Variants in ARHGEF10 observed in about 807,000 individuals in gnomAD.
ARHGEF10 encodes the protein Rho guanine nucleotide exchange factor (GEF) 10.
Under a neutral mutation model 147.4 loss-of-function variants are expected in ARHGEF10, and 140 were observed. The observed-to-expected ratio is 0.95, with a 90% CI of 0.83 to 1.09. ARHGEF10 has a LOEUF of 1.09. ARHGEF10 is among the 50% of genes least tolerant of loss of function. ARHGEF10 has a pLI of 0.00. For synonymous variants in ARHGEF10, 902 were observed against 695.8 expected (o/e 1.30, Z -4.67); for missense variants, 2,222 against 1,752.7 (o/e 1.27, Z -4.78).
At chr8:1,917,618 G>C (rs1038444309) in intron 18 of ARHGEF10, among the ~76,000 whole-genome samples, 1 of 152,172 alleles carries the variant, frequency 6.6e-6, no homozygotes, top group South Asian at 2.1e-4. Flanking sequence ...AGAAAGACTC[G>C]GGAAGTGCTT....
chr8:1,883,690 A>G (rs1451146909), intron 10 of ARHGEF10, among the ~76,000 whole-genome samples: 6 of 152,090 alleles, frequency 3.9e-5, no homozygotes, highest in Non-Finnish European at 8.8e-5. Flanking sequence ...GGTGCATTCT[A>G]ATAAAATGTG....
intron 27 of ARHGEF10, among the ~76,000 whole-genome samples, chr8:1,950,376 A>G (rs936374337): frequency 6.6e-6 from 1 of 152,208 alleles, no homozygotes; most frequent in African/African-American, 2.4e-5. Flanking sequence ...CCCATGTAAA[A>G]TTAAAGATGT....
rs768511991 is a variant in ARHGEF10, at chr8:1,876,589, A to T, written c.698A>T (p.Asp233Val). Reference sequence around the variant, plus strand: ...CACTCAGATGAAATGATTTATGATGATGTTGAGAATGGGGATGAAGGTGGA... The same window carrying T: ...CACTCAGATGAAATGATTTATGATGTTGTTGAGAATGGGGATGAAGGTGGA... ...DSEPDEMIYD[D>V]VENGDEGGNS... Residue 233 changes from aspartate to valine, a missense_variant, in exon 8 of 29, where the codon GAT becomes GTT. By Grantham distance (152) the Asp-to-Val change is radical. Transcript: ENST00000349830. 23 of 1,614,078 alleles carry T rather than the reference A, an allele frequency of 1.4e-5. No homozygotes were observed. Among genetic ancestry groups the T allele is most frequent in the Non-Finnish European group, 1.9e-5 (23 of 1,180,016 alleles).
chr8:1,936,845 C>T (rs1390025456), intron 26 of ARHGEF10, among the ~76,000 whole-genome samples: 1 of 152,216 alleles, frequency 6.6e-6, no homozygotes, highest in Non-Finnish European at 1.5e-5. Context: ...TGAGCTGCCA[C>T]GTGGACACCG....
Position 1,956,917 on chromosome 8 carries a change from C to T in ARHGEF10, c.3689C>T (p.Ser1230Leu), listed in dbSNP as rs1346212322. The T allele has an allele frequency of 1.2e-6, 2 of 1,614,198 alleles. No individual in the cohort carries two copies. The highest frequency in any genetic ancestry group is 1.7e-6 in the Non-Finnish European group (2 of 1,180,044). ...GCACTTCCGAGTGGAGGAGCTGGTT[C>T]ATCTCTGAGCCAGGGTGACCCTGAC... ...KDALPSGGAG[S>L]SLSQGDPDAA... The change falls in exon 29 of 29, where the codon TCA becomes TTA. Residue 1230 changes from serine to leucine, a missense_variant. By Grantham distance (145) the Ser-to-Leu change is moderately radical (BLOSUM62 -2). Transcript: ENST00000349830.
chr8:1,951,389 G>T (rs1345617708), intron 27 of ARHGEF10, among the ~76,000 whole-genome samples: 2 of 152,206 alleles, frequency 1.3e-5, no homozygotes, highest in East Asian at 3.9e-4. Flanking sequence ...ACCAAGTCAC[G>T]CCGACCAGGC....
chr8:1,826,884 C>T (rs747268154), intron 1 of ARHGEF10, among the ~76,000 whole-genome samples: 6 of 152,212 alleles, frequency 3.9e-5, no homozygotes, highest in Non-Finnish European at 7.3e-5. Context: ...AGAAGGGAAG[C>T]GTAGCTGTTA....
At chr8:1,841,092 T>A (rs1447939039) in intron 1 of ARHGEF10, among the ~76,000 whole-genome samples, 3 of 152,226 alleles carry the variant, frequency 2.0e-5, no homozygotes, top group Non-Finnish European at 4.4e-5. Context: ...GGTGCTCGCA[T>A]CAGCCACCCG....
rs35354057 is a variant in ARHGEF10, at chr8:1,928,484, A to G, written c.2755A>G (p.Thr919Ala). 2 of 1,613,738 alleles carry G rather than the reference A, an allele frequency of 1.2e-6. No individual in the cohort carries two copies. Among genetic ancestry groups the G allele is most frequent in the Non-Finnish European group, 1.7e-6 (2 of 1,179,974 alleles). The change falls in exon 24 of 29, where the codon ACT becomes GCT. Residue 919 changes from threonine (T) to alanine (A), a missense_variant. Thr to Ala is a moderately conservative substitution (Grantham distance 58). Transcript: ENST00000349830. The part of the protein sequence containing the change: ...QIAIVSFQNS[T>A]PKVIECFNVE... ...TGCCATCGTCTCGTTTCAAAATTCC[A>G]CTCCCAAAGTCATTGAGTGCTTCAA... is the stretch of plus-strand genomic sequence containing the variant.
chr8:1,945,788 G>C, intron 27 of ARHGEF10, 133 bp downstream of exon 27: 20 of 1,348,254 alleles, frequency 1.5e-5, no homozygotes, highest in Middle Eastern at 3.6e-4. Flanking sequence ...AGGTAATGGG[G>C]TGGGACAAGG....
chr8:1,873,060 G>A, intron 7 of ARHGEF10, among the ~76,000 whole-genome samples: 1 of 152,204 alleles, frequency 6.6e-6, no homozygotes, highest in South Asian at 2.1e-4. Flanking sequence ...GAGTCCAGCC[G>A]TCGGCCCCCT....
chr8:1,924,443 G>C (rs1812534528), intron 21 of ARHGEF10, among the ~76,000 whole-genome samples: 1 of 152,156 alleles, frequency 6.6e-6, no homozygotes, highest in African/African-American at 2.4e-5. Flanking sequence ...CATGCTTACA[G>C]ACCTGTTACC....
rs1421302656 is a variant in ARHGEF10 at position 1,958,620 on chromosome 8, A to C, written c.*1357A>C. ...AGCTGCTGTCTGACTTCATCAATAAAGTATTTTTATTTTAAAATGCAGTAG... is the reference window on the plus strand; with the variant it reads ...AGCTGCTGTCTGACTTCATCAATAACGTATTTTTATTTTAAAATGCAGTAG... On this transcript the variant is annotated 3_prime_UTR_variant, in exon 29 of 29. Coordinates refer to ENST00000349830, the MANE Select transcript of ARHGEF10 (RefSeq NM_014629.4). 1 of 145,358 alleles carries C rather than the reference A, an allele frequency of 6.9e-6. No individual in the cohort carries two copies. The highest frequency in any genetic ancestry group is 1.5e-5 in the Non-Finnish European group (1 of 66,864). 9.0% of individuals were successfully genotyped at this position (145,358 alleles called of 1,614,324 possible). A position where few individuals can be genotyped will look rare whatever the true frequency, so the allele number is the denominator to read the frequency against.
chr8:1,893,287 A>G lies in ARHGEF10; in HGVS notation c.1183-282A>G, dbSNP rs564033989. Among the ~76,000 whole-genome samples, 18 of 152,300 alleles carry G rather than the reference A, an allele frequency of 1.2e-4. No individual in the cohort carries two copies. The South Asian group carries it at 1.9e-3, about 16-fold the overall frequency. ...ATAAAATACAATCTGTTAATTCAGT[A>G]TATTATCGTTGCATAAATGAAGGAA... is the stretch of plus-strand genomic sequence containing the variant. On this transcript the variant is annotated intron_variant, in intron 11 of 28. Coordinates refer to ENST00000349830, the MANE Select transcript of ARHGEF10 (RefSeq NM_014629.4).
At chr8:1,841,804 G>A (rs1304197000) in intron 1 of ARHGEF10, among the ~76,000 whole-genome samples, 2 of 113,598 alleles carry the variant, frequency 1.8e-5, no homozygotes, top group Non-Finnish European at 4.2e-5. Context: ...TGAAACCTAG[G>A]AACTGGGGCC....
chr8:1,912,128 G>A (rs1009547119), intron 18 of ARHGEF10, among the ~76,000 whole-genome samples: 1 of 152,226 alleles, frequency 6.6e-6, no homozygotes, highest in African/African-American at 2.4e-5. Context: ...CCTGAGACCA[G>A]TGAGCAGCTG....
intron 18 of ARHGEF10, among the ~76,000 whole-genome samples, chr8:1,914,965 G>A (rs545157815): frequency 3.8e-4 from 58 of 152,292 alleles, no homozygotes; most frequent in Middle Eastern, 6.8e-3. Flanking sequence ...TGAGGTCGGC[G>A]TGCCTGTGGA....
Position 1,866,506 on chromosome 8 carries a change from T to C in ARHGEF10, c.546-20T>C. 1 of 1,612,170 alleles carries C rather than the reference T, an allele frequency of 6.2e-7. No individual in the cohort carries two copies. ...GGGCTGTGCCTGGATATTCTGACTT[T>C]ATGGTTTGTTTTCTTTAAGTGAAGA... On this transcript the variant is annotated intron_variant, in intron 5 of 28. Coordinates refer to ENST00000349830, the MANE Select transcript of ARHGEF10 (RefSeq NM_014629.4).
rs1427441458 is a variant in ARHGEF10, at chr8:1,926,458, C to T, written c.2692C>T (p.Leu898=). ...PDSFSTAHGF[L]WIGSCTHQMG... is the part of the protein sequence containing the mutation. ...TTCATTTTCCACGGCACATGGTTTC[C>T]TGTGGGTAAGATGTGTTTATTTGGT... The change falls in exon 23 of 29, where the codon CTG becomes TTG. Residue 898 remains leucine (L), a synonymous_variant. Transcript: ENST00000349830. 1 of 1,613,818 alleles carries T rather than the reference C, an allele frequency of 6.2e-7. No homozygotes were observed. The highest frequency in any genetic ancestry group is 1.1e-5 in the South Asian group (1 of 91,082).
Sources: allele counts gnomAD v4.1 joint callset (sites outside exome capture counted in the v4.1 genomes callset), GRCh38; gene constraint gnomAD v4.1.1; transcripts MANE v1.5; gene names NCBI Gene and HGNC (gene_info 2026-07-23, HGNC 2026-07-21).